The following SAXO1 variants were observed in gnomAD, a reference collection of about 807,000 sequenced individuals.
The protein encoded by SAXO1 is 4930500O09Rik.
Under a neutral mutation model 17.5 loss-of-function variants are expected in SAXO1, and 21 were observed. The ratio of observed to expected loss-of-function variants is 1.20; its 90% CI spans 0.85 to 1.72. SAXO1 has a LOEUF of 1.72. Among genes scored for constraint, SAXO1 ranks in the 40% most tolerant of loss-of-function variants. The pLI is 0.00. For synonymous variants in SAXO1, 274 were observed against 216.5 expected, an observed-to-expected ratio of 1.27 and a Z score of -2.33; for missense variants, 843 against 596.0, an observed-to-expected ratio of 1.41 and a Z score of -4.32.
At chr9:18,939,903 C>T (rs1161123627) in intron 3 of SAXO1, among the ~76,000 whole-genome samples, 1 of 152,198 alleles carries the variant, frequency 6.6e-6, no homozygotes, top group African/African-American at 2.4e-5. Flanking sequence ...GTATAGAAGA[C>T]TGCTCTGCTC....
At chr9:19,048,007 A>G (rs1836262728) in intron 1 of SAXO1, among the ~76,000 whole-genome samples, 1 of 152,240 alleles carries the variant, frequency 6.6e-6, no homozygotes, top group Non-Finnish European at 1.5e-5. Flanking sequence ...GATTTTCCAC[A>G]TACTATATTG....
chr9:18,932,735 C>T (rs1463689708), intron 3 of SAXO1, among the ~76,000 whole-genome samples: 1 of 152,164 alleles, frequency 6.6e-6, no homozygotes, highest in Non-Finnish European at 1.5e-5. Context: ...TTTCAGCATG[C>T]AAGACTTACA....
chr9:18,942,953 T>C (rs1187298565), intron 2 of SAXO1, among the ~76,000 whole-genome samples: 1 of 152,224 alleles, frequency 6.6e-6, no homozygotes, highest in Non-Finnish European at 1.5e-5. Flanking sequence ...AACATCCCTG[T>C]CAAGGGAAGG....
chr9:19,011,851 T>C, intron 1 of SAXO1, among the ~76,000 whole-genome samples: 1 of 142,842 alleles, frequency 7.0e-6, no homozygotes, highest in East Asian at 2.0e-4. Flanking sequence ...AAGCATAGAT[T>C]TTTTTTTTTT....
At chr9:19,022,319 G>C (rs1487952766) in intron 1 of SAXO1, among the ~76,000 whole-genome samples, 1 of 152,232 alleles carries the variant, frequency 6.6e-6, no homozygotes, top group Non-Finnish European at 1.5e-5. Context: ...TGTAAGAACT[G>C]TAACATTCAC....
At chr9:19,017,109 G>A (rs1835009092) in intron 1 of SAXO1, among the ~76,000 whole-genome samples, 1 of 151,990 alleles carries the variant, frequency 6.6e-6, no homozygotes. Context: ...AGGAGTTTGA[G>A]ACCAGCCTGG....
intron 1 of SAXO1, among the ~76,000 whole-genome samples, chr9:19,025,389 G>A (rs1835433007): frequency 6.6e-6 from 1 of 151,550 alleles, no homozygotes. Context: ...CTCTTAATGT[G>A]TAACAGAGAC....
chr9:18,969,582 C>G (rs1453217105), intron 1 of SAXO1, among the ~76,000 whole-genome samples: 2 of 152,158 alleles, frequency 1.3e-5, no homozygotes, highest in Admixed American at 6.5e-5. Context: ...AGCATTAAGT[C>G]CACAATATTA....
intron 1 of SAXO1, among the ~76,000 whole-genome samples, chr9:18,970,862 A>G (rs1168181769): frequency 6.6e-6 from 1 of 152,152 alleles, no homozygotes; most frequent in Non-Finnish European, 1.5e-5. Context: ...TTCAGTGTTT[A>G]TAGTTGTCCC....
At chr9:19,001,909 G>A (rs1444837166) in intron 1 of SAXO1, among the ~76,000 whole-genome samples, 1 of 151,782 alleles carries the variant, frequency 6.6e-6, no homozygotes, top group Non-Finnish European at 1.5e-5. Context: ...CAGAAATGAA[G>A]GAGATAGAGA....
chr9:18,990,562 T>G (rs1833774079), intron 1 of SAXO1, among the ~76,000 whole-genome samples: 1 of 152,050 alleles, frequency 6.6e-6, no homozygotes, highest in Admixed American at 6.5e-5. Context: ...CAAATATGAT[T>G]TGCTTTACAA....
At chr9:18,932,595 G>C (rs1252668921) in intron 3 of SAXO1, among the ~76,000 whole-genome samples, 1 of 152,254 alleles carries the variant, frequency 6.6e-6, no homozygotes, top group East Asian at 1.9e-4. Flanking sequence ...ATTTTGATAG[G>C]AATTGCATTG....
chr9:18,933,804 T>G (rs1411651390), intron 3 of SAXO1, among the ~76,000 whole-genome samples: 2 of 152,214 alleles, frequency 1.3e-5, no homozygotes, highest in Non-Finnish European at 2.9e-5. Context: ...CCCAGCACTT[T>G]GGGAGGCCAA....
intron 1 of SAXO1, among the ~76,000 whole-genome samples, chr9:19,006,035 T>C (rs1285799219): frequency 6.6e-6 from 1 of 152,218 alleles, no homozygotes; most frequent in Non-Finnish European, 1.5e-5. Flanking sequence ...TCAGTATCAC[T>C]AGTCATTAGG....
At chr9:18,939,694 G>T (rs879629252) in intron 3 of SAXO1, among the ~76,000 whole-genome samples, 1 of 152,212 alleles carries the variant, frequency 6.6e-6, no homozygotes, top group African/African-American at 2.4e-5. Flanking sequence ...AAGACACCAG[G>T]ACTTCCAAGG....
intron 1 of SAXO1, among the ~76,000 whole-genome samples, chr9:19,007,667 T>C (rs1165752333): frequency 1.3e-5 from 2 of 152,224 alleles, no homozygotes; most frequent in Non-Finnish European, 1.5e-5. Context: ...CAACAAACTA[T>C]GGCCTTAGAG....
At chr9:18,964,015 T>C (rs771433887) in intron 1 of SAXO1, among the ~76,000 whole-genome samples, 2 of 152,202 alleles carry the variant, frequency 1.3e-5, no homozygotes, top group Non-Finnish European at 2.9e-5. Flanking sequence ...CTTTTCTGTA[T>C]CTATTGAGAT....
At chr9:18,969,460 C>A (rs12686643) in intron 1 of SAXO1, among the ~76,000 whole-genome samples, 122,628 of 152,156 alleles carry the variant, frequency 0.81, 49,701 homozygotes, top group African/African-American at 0.89. Context: ...GCAAAAAACA[C>A]CCAAAGCCCC....
intron 1 of SAXO1, among the ~76,000 whole-genome samples, chr9:18,975,052 G>A (rs777409957): frequency 1.2e-4 from 18 of 152,258 alleles, no homozygotes; most frequent in South Asian, 2.1e-4. Context: ...GGGCAAGAAG[G>A]TGGGGAGGCT....
Sources: allele counts gnomAD v4.1 joint callset (sites outside exome capture counted in the v4.1 genomes callset), GRCh38; gene constraint gnomAD v4.1.1; transcripts MANE v1.5; gene names NCBI Gene and HGNC (gene_info 2026-07-23, HGNC 2026-07-21).